The following RPRD2 variants were observed in gnomAD, a reference collection of about 807,000 sequenced individuals.
RPRD2 encodes regulation of nuclear pre-mRNA domain-containing protein 2.
A neutral mutation model predicts 104.4 loss-of-function variants in RPRD2; 12 were observed. The observed-to-expected ratio is 0.11, with a 90% confidence interval of 0.07 to 0.19. The LOEUF (loss-of-function observed/expected upper bound fraction) is 0.19. RPRD2 is among the 10% of genes least tolerant of loss of function. RPRD2 has a pLI of 1.00. For missense variants in RPRD2, 1,543 were observed against 1,790.1 expected (o/e 0.86, Z 2.49); for synonymous variants, 714 against 684.9 (o/e 1.04, Z -0.66).
chr1:150,423,371 A>G (rs1553890063), intron 2 of RPRD2, among the ~76,000 whole-genome samples: 1 of 152,118 alleles, frequency 6.6e-6, no homozygotes, highest in East Asian at 1.9e-4. Flanking sequence ...ATGGTGTAAG[A>G]GTAGGTATAT....
intron 1 of RPRD2, among the ~76,000 whole-genome samples, chr1:150,381,477 C>A (rs913851017): frequency 6.6e-6 from 1 of 151,238 alleles, no homozygotes; most frequent in African/African-American, 2.4e-5. Context: ...CCAGACCACA[C>A]GTTGAGAACT....
chr1:150,464,362 G>GTTTTTT (rs34642023), intron 9 of RPRD2, among the ~76,000 whole-genome samples, 165 bp from the exon 10 acceptor site: 2 of 131,078 alleles, frequency 1.5e-5, no homozygotes, highest in African/African-American at 5.6e-5. Flanking sequence ...TCTTTTCAGG[G>GTTTTTT]TTTTTTTTTT....
rs911805218 is a variant in RPRD2 at position 150,472,032 on chromosome 1, G to A, written c.3084G>A (p.Gln1028=). The part of the protein sequence containing the change: ...RKPSDDKHFG[Q]APSKGTPSDG... ...CCTCAGATGATAAGCATTTTGGCCA[G>A]GCTCCCAGCAAGGGCACTCCAAGTG... is the stretch of plus-strand genomic sequence containing the variant. The change falls in exon 11 of 11, where the codon CAG becomes CAA. Residue 1028 remains glutamine, a synonymous_variant. Coordinates refer to ENST00000369068, the MANE Select transcript of RPRD2 (RefSeq NM_015203.5). 3.1e-6 allele frequency: 5 copies of A among 1,613,728 alleles called. No individual in the cohort carries two copies. In the African/African-American group the frequency reaches 6.7e-5, roughly 22 times the overall value.
At chr1:150,430,479 G>A (rs782537674) in intron 2 of RPRD2, among the ~76,000 whole-genome samples, 48 of 152,206 alleles carry the variant, frequency 3.2e-4, no homozygotes, top group Non-Finnish European at 4.6e-4. Flanking sequence ...ACCAGCCTGG[G>A]CAACAGTGGG....
chr1:150,403,530 A>G (rs1553885863), intron 1 of RPRD2, among the ~76,000 whole-genome samples: 1 of 152,226 alleles, frequency 6.6e-6, no homozygotes, highest in East Asian at 1.9e-4. Flanking sequence ...TTCATTTGTG[A>G]CTGGGTTATT....
At chr1:150,453,689 T>C (rs1667345146) in intron 7 of RPRD2, among the ~76,000 whole-genome samples, 1 of 152,252 alleles carries the variant, frequency 6.6e-6, no homozygotes, top group African/African-American at 2.4e-5. Flanking sequence ...TTGTTTTGTT[T>C]AGTGCCCAGA....
Position 150,436,046 on chromosome 1 carries a change from C to T in RPRD2, c.336-4877C>T, listed in dbSNP as rs145250094. ...TGTCTGTGCTCTGTAGATGGAACAG[C>T]AAAGCCCAGGTGACAGCACATCTGT... On this transcript the variant is annotated intron_variant, in intron 2 of 10. Coordinates refer to ENST00000369068, the MANE Select transcript of RPRD2 (RefSeq NM_015203.5). Among the ~76,000 whole-genome samples, 718 of 151,270 alleles carry T rather than the reference C, an allele frequency of 4.7e-3. 3 individuals are homozygous for T. Among genetic ancestry groups the T allele is most frequent in the Non-Finnish European group, 6.8e-3 (460 of 67,914 alleles).
intron 2 of RPRD2, among the ~76,000 whole-genome samples, chr1:150,421,821 A>G (rs1664775118): frequency 6.6e-6 from 1 of 152,026 alleles, no homozygotes; most frequent in Non-Finnish European, 1.5e-5. Context: ...TACAAAAAAA[A>G]TTAAAAATTA....
At chr1:150,391,971 G>A (rs12126312) in intron 1 of RPRD2, among the ~76,000 whole-genome samples, 12,457 of 152,078 alleles carry the variant, frequency 0.082, 675 homozygotes, top group Non-Finnish European at 0.12. Flanking sequence ...CAAGAAGAGA[G>A]TGGACTGGGC....
rs753867579 is a variant in RPRD2 at position 150,471,844 on chromosome 1, C to G, written c.2896C>G (p.Pro966Ala). 2.7e-5 allele frequency: 43 copies of G among 1,613,884 alleles called. 1 individual carries two copies. In the South Asian group the frequency reaches 4.2e-4, roughly 16 times the overall value. ...GCCACAGAAGCAGTACCCAGACTCT[C>G]CTCACCCAGTCCCACATCGTTCCCT... Reference protein sequence around the residue: ...SLPQKQYPDSPHPVPHRSLFS... With the variant: ...SLPQKQYPDSAHPVPHRSLFS... Residue 966 changes from proline (P) to alanine (A), a missense_variant, in exon 11 of 11, where the codon CCT (proline) becomes GCT (alanine). By Grantham distance (27) the Pro-to-Ala change is conservative. Transcript: ENST00000369068. The surrounding 1 kb of genome is among the most constrained non-coding windows in gnomAD (Gnocchi z 5.3).
chr1:150,377,461 G>T (rs1235041466), intron 1 of RPRD2, among the ~76,000 whole-genome samples: 1 of 151,966 alleles, frequency 6.6e-6, no homozygotes, highest in Non-Finnish European at 1.5e-5. Context: ...AGCCAGGCGT[G>T]GTGGCGGGCG....
At chr1:150,468,519 C>T (rs1029401561) in intron 10 of RPRD2, among the ~76,000 whole-genome samples, 1 of 152,034 alleles carries the variant, frequency 6.6e-6, no homozygotes, top group African/African-American at 2.4e-5. Flanking sequence ...AATCATATTA[C>T]ATTATTATAT....
chr1:150,459,695 C>T (rs959877397), intron 8 of RPRD2, among the ~76,000 whole-genome samples: 12 of 150,638 alleles, frequency 8.0e-5, no homozygotes, highest in African/African-American at 2.7e-4. Flanking sequence ...TGGGTTCAAG[C>T]GATTCTCGTG....
At chr1:150,411,053 G>A (rs1486405068) in intron 1 of RPRD2, among the ~76,000 whole-genome samples, 7 of 152,184 alleles carry the variant, frequency 4.6e-5, no homozygotes, top group South Asian at 2.1e-4. Context: ...GAGAGATAGC[G>A]TCTTATTGTG....
chr1:150,459,662 G>A (rs1157748411), intron 8 of RPRD2, among the ~76,000 whole-genome samples: 2 of 148,954 alleles, frequency 1.3e-5, no homozygotes, highest in African/African-American at 2.5e-5. Flanking sequence ...GCACAATCTC[G>A]GCTCATTGCA....
At chr1:150,416,030 T>C (rs1572428384) in intron 1 of RPRD2, among the ~76,000 whole-genome samples, 1 of 152,196 alleles carries the variant, frequency 6.6e-6, no homozygotes, top group African/African-American at 2.4e-5. Context: ...GGAGGGACTG[T>C]ATGTAGCATT....
rs1465503954 is a variant in RPRD2, at chr1:150,472,508, A to C, written c.3560A>C (p.Asn1187Thr). 3.1e-6 allele frequency: 5 copies of C among 1,613,770 alleles called. No homozygotes were observed. Among genetic ancestry groups the C allele is most frequent in the Non-Finnish European group, 4.2e-6 (5 of 1,179,824 alleles). ...GGCAGCTTTCGTTCCAACAGTTTCA[A>C]CTCAACATTTGAGCATCATCTTCCC... ...SVGSFRSNSF[N>T]STFEHHLPPS... The change falls in exon 11 of 11, where the codon AAC becomes ACC. Residue 1187 changes from asparagine (N) to threonine (T), a missense_variant. By Grantham distance (65) the Asn-to-Thr change is moderately conservative. Around this residue, in one of 4 missense-constraint regions of RPRD2, gnomAD observed 880 missense variants for 885.6 expected, o/e 0.99. Transcript: ENST00000369068.
chr1:150,473,100 A>G lies in RPRD2; in HGVS notation c.4152A>G (p.Gly1384=), dbSNP rs1668708316. 1 of 1,613,792 alleles carries G rather than the reference A, an allele frequency of 6.2e-7. No homozygotes were observed. The highest frequency in any genetic ancestry group is 8.5e-7 in the Non-Finnish European group (1 of 1,179,834). ...TGGAACACCTGGGCCCACCCCATGG[A>G]GGAGGAGGTGGGGGAGGCAGCAACA... is the stretch of plus-strand genomic sequence containing the variant. The part of the protein sequence containing the change: ...HSLEHLGPPH[G]GGGGGGSNSS... Residue 1384 remains glycine, a synonymous_variant, in exon 11 of 11, where the codon GGA becomes GGG. Coordinates refer to ENST00000369068, the MANE Select transcript of RPRD2 (RefSeq NM_015203.5).
At chr1:150,438,315 C>T (rs1272368326) in intron 2 of RPRD2, among the ~76,000 whole-genome samples, 1 of 149,120 alleles carries the variant, frequency 6.7e-6, no homozygotes, top group South Asian at 2.1e-4. Context: ...AAAAGTCATG[C>T]GTTGCTTAAC....
Sources: allele counts gnomAD v4.1 joint callset (sites outside exome capture counted in the v4.1 genomes callset), GRCh38; gene constraint gnomAD v4.1.1; regional missense constraint gnomAD v4.1.1; non-coding constraint Gnocchi (gnomAD v3.1); transcripts MANE v1.5; gene names NCBI Gene and HGNC (gene_info 2026-07-23, HGNC 2026-07-21).